ZSCAN5A: variants seen among roughly 807,000 people sequenced by gnomAD.
ZSCAN5A encodes the protein zinc finger and SCAN domain-containing protein 5A.
In ZSCAN5A, 12 loss-of-function variants were observed where a neutral mutation model predicts 23.7. That is an observed-to-expected ratio of 0.51 (90% CI 0.32 to 0.82). The LOEUF (loss-of-function observed/expected upper bound fraction) is 0.82. Among genes scored for constraint, ZSCAN5A ranks in the 40% least tolerant of loss-of-function variants. The pLI is 0.03. For missense variants in ZSCAN5A, 597 were observed against 617.9 expected, an observed-to-expected ratio of 0.97 and a Z score of 0.36; for synonymous variants, 257 against 239.9, an observed-to-expected ratio of 1.07 and a Z score of -0.66.
intron 2 of ZSCAN5A, among the ~76,000 whole-genome samples, chr19:56,290,140 G>C (rs1243684997): frequency 6.6e-6 from 1 of 152,216 alleles, no homozygotes; most frequent in African/African-American, 2.4e-5. Flanking sequence ...TTCTGCATGA[G>C]AATACCAAGG....
chr19:56,318,959 ACT>A (rs1460474370), upstream of ZSCAN5A, among the ~76,000 whole-genome samples: 25 of 152,230 alleles, frequency 1.6e-4, no homozygotes, highest in East Asian at 4.8e-3. Flanking sequence ...GGAGTATCCA[ACT>A]CTCTAGCACA....
intron 2 of ZSCAN5A, among the ~76,000 whole-genome samples, chr19:56,339,816 CCG>C (rs2041576766): frequency 6.6e-6 from 1 of 151,898 alleles, no homozygotes. Context: ...GCGGTTGTAG[CCG>C]CATTTAGCAA....
intron 2 of ZSCAN5A, among the ~76,000 whole-genome samples, chr19:56,277,521 T>C (rs1449038960): frequency 6.6e-6 from 1 of 151,810 alleles, no homozygotes; most frequent in African/African-American, 2.4e-5. Context: ...ACATTAGTGA[T>C]TTCCAGGGGG....
chr19:56,240,179 G>GAA (rs113940738), intron 2 of ZSCAN5A, among the ~76,000 whole-genome samples: 150 of 146,456 alleles, frequency 1.0e-3, no homozygotes, highest in Middle Eastern at 3.5e-3. Context: ...ACCAAAAGAA[G>GAA]AAAAAAAAAC....
intron 2 of ZSCAN5A, among the ~76,000 whole-genome samples, chr19:56,332,529 T>C (rs1234862741): frequency 2.0e-5 from 3 of 152,254 alleles, no homozygotes; most frequent in Non-Finnish European, 2.9e-5. Context: ...AACCTTTTAC[T>C]TTGAGCCGTA....
chr19:56,228,591 C>T (rs1001171863), intron 2 of ZSCAN5A, among the ~76,000 whole-genome samples: 1 of 152,064 alleles, frequency 6.6e-6, no homozygotes, highest in Non-Finnish European at 1.5e-5. Context: ...CCTCATGCCA[C>T]AGACAGTAAT....
At chr19:56,270,148 T>TG (rs1406943970) in intron 2 of ZSCAN5A, among the ~76,000 whole-genome samples, 1 of 66,662 alleles carries the variant, frequency 1.5e-5, no homozygotes, top group Non-Finnish European at 3.6e-5. Flanking sequence ...TCACGCTGGG[T>TG]GAAAAAAAAA....
chr19:56,296,803 G>A (rs1371875161), intron 2 of ZSCAN5A, among the ~76,000 whole-genome samples: 2 of 152,194 alleles, frequency 1.3e-5, no homozygotes, highest in African/African-American at 4.8e-5. Context: ...GGAGGCCGAC[G>A]TGGGTGGATC....
intron 2 of ZSCAN5A, among the ~76,000 whole-genome samples, chr19:56,328,491 A>T (rs983579310): frequency 3.3e-5 from 5 of 151,160 alleles, no homozygotes; most frequent in African/African-American, 1.2e-4. Context: ...TAAATACAAA[A>T]ATTAGCTGGG....
intron 1 of ZSCAN5A, among the ~76,000 whole-genome samples, chr19:56,367,658 CT>C (rs1210023250): frequency 1.3e-5 from 2 of 152,230 alleles, no homozygotes; most frequent in Non-Finnish European, 2.9e-5. Context: ...TTTATGAGCA[CT>C]TAATCCTCGC....
At chr19:56,239,968 C>G (rs1219267155) in intron 2 of ZSCAN5A, among the ~76,000 whole-genome samples, 1 of 152,056 alleles carries the variant, frequency 6.6e-6, no homozygotes, top group Non-Finnish European at 1.5e-5. Flanking sequence ...TCAAGACCAG[C>G]CTGGCCAACA....
At chr19:56,338,878 G>A (rs2041565697) in intron 2 of ZSCAN5A, among the ~76,000 whole-genome samples, 1 of 152,220 alleles carries the variant, frequency 6.6e-6, no homozygotes, top group African/African-American at 2.4e-5. Flanking sequence ...AGAAGACACA[G>A]CCACTGTGAA....
chr19:56,345,092 C>T (rs992498806), intron 2 of ZSCAN5A, among the ~76,000 whole-genome samples: 1 of 150,826 alleles, frequency 6.6e-6, no homozygotes, highest in African/African-American at 2.5e-5. Context: ...GGCAACAGAG[C>T]GAGACTACAT....
intron 2 of ZSCAN5A, among the ~76,000 whole-genome samples, chr19:56,341,702 C>CAAAAAAAAAAAAAAAA (rs1175628460): frequency 5.6e-5 from 3 of 53,786 alleles, no homozygotes; most frequent in African/African-American, 1.3e-4. Context: ...TACCAAAAGG[C>CAAAAAAAAAAAAAAAA]AAAAAAAAAA....
chr19:56,250,426 C>T (rs10420275), intron 2 of ZSCAN5A, among the ~76,000 whole-genome samples: 13,608 of 152,220 alleles, frequency 0.089, 1,599 homozygotes, highest in African/African-American at 0.27. Context: ...TCGTGGCCCT[C>T]AAATTTTTAA....
intron 2 of ZSCAN5A, chr19:56,298,110 T>C (rs1388497487): frequency 6.6e-6 from 1 of 150,506 alleles, no homozygotes; most frequent in African/African-American, 2.4e-5. Context: ...TGGTTGGTTC[T>C]TTTGAAAAGC....
intron 2 of ZSCAN5A, chr19:56,321,526 GCTGT>G (rs2041375608): frequency 5.5e-6 from 4 of 730,146 alleles, no homozygotes; most frequent in East Asian, 2.5e-5. Context: ...ACGCACTTTC[GCTGT>G]CTGTCTGGGT....
At chr19:56,271,487 C>T (rs1012812597) in intron 2 of ZSCAN5A, among the ~76,000 whole-genome samples, 1 of 152,214 alleles carries the variant, frequency 6.6e-6, no homozygotes, top group African/African-American at 2.4e-5. Context: ...TGTAGTATCA[C>T]GTTTTCCCGG....
intron 2 of ZSCAN5A, among the ~76,000 whole-genome samples, chr19:56,234,983 G>A (rs1366216211): frequency 6.6e-6 from 1 of 152,246 alleles, no homozygotes; most frequent in African/African-American, 2.4e-5. Flanking sequence ...GCCAGTTCTA[G>A]GCAAGATTAG....
Sources: allele counts gnomAD v4.1 joint callset (sites outside exome capture counted in the v4.1 genomes callset), GRCh38; gene constraint gnomAD v4.1.1; transcripts MANE v1.5; gene names NCBI Gene and HGNC (gene_info 2026-07-23, HGNC 2026-07-21).